Variants in COL27A1 observed in about 807,000 individuals in gnomAD.
COL27A1 encodes collagen alpha-1(XXVII) chain.
In COL27A1, 106 loss-of-function variants were observed where a neutral mutation model predicts 251.3. The observed-to-expected ratio is 0.42, with a 90% confidence interval of 0.36 to 0.50. The LOEUF is 0.50. COL27A1 is among the 20% of genes least tolerant of loss of function. The pLI is 0.00. For missense variants in COL27A1, 2,325 were observed against 2,522.8 expected, an observed-to-expected ratio of 0.92 and a Z score of 1.68; for synonymous variants, 1,000 against 986.3, an observed-to-expected ratio of 1.01 and a Z score of -0.26.
chr9:114,180,244 G>A (rs1048547926), intron 4 of COL27A1, among the ~76,000 whole-genome samples: 1 of 152,166 alleles, frequency 6.6e-6, no homozygotes, highest in Non-Finnish European at 1.5e-5. Flanking sequence ...CGTGATGCCT[G>A]GCAGAGCACC....
intron 7 of COL27A1, 66 bp from the exon 8 acceptor site, chr9:114,205,036 G>C (rs1306520842): frequency 2.0e-6 from 3 of 1,513,396 alleles, no homozygotes; most frequent in Non-Finnish European, 2.8e-6. Flanking sequence ...GGGAGGCTGG[G>C]CCCTTGCGAT....
intron 56 of COL27A1, 103 bp downstream of exon 56, chr9:114,302,211 CT>C: frequency 1.0e-6 from 1 of 976,814 alleles, no homozygotes; most frequent in Non-Finnish European, 1.6e-6. Context: ...GAGCCCTAAG[CT>C]GGGTCTAGGG....
At position 114,160,817 on chromosome 9, in the gene COL27A1, G is replaced by A. The variant is rs148848221; in HGVS notation, c.63-1898G>A. Among the ~76,000 whole-genome samples, 225 of 152,338 alleles carry A rather than the reference G, an allele frequency of 1.5e-3. 2 individuals are homozygous for A. The South Asian group carries it at 0.026, about 18-fold the overall frequency. ...AGTGTGGCATGTGCAGTGAGCTGCG[G>A]GAGGTGACACCCAAGCTGGGATCTA... On this transcript the variant is annotated intron_variant, in intron 1 of 60. Coordinates refer to ENST00000356083, the MANE Select transcript of COL27A1 (RefSeq NM_032888.4).
Position 114,168,484 on chromosome 9 carries a change from A to C in COL27A1, c.929A>C (p.Gln310Pro). ...AGGACTAGCCCCACAAACCCTCACC[A>C]GCATATGGCGGTGGGAGGCCCAGCC... ...PQRTSPTNPH[Q>P]HMAVGGPAQT... Residue 310 changes from glutamine to proline, a missense_variant, in exon 3 of 61, where the codon CAG becomes CCG. Physicochemically the swap from Gln to Pro is moderately conservative, Grantham distance 76 (BLOSUM62 -1). Around this residue, in one of 4 missense-constraint regions of COL27A1, gnomAD observed 1,183 missense variants for 1,144.1 expected, o/e 1.03. Transcript: ENST00000356083. 1 of 1,613,784 alleles carries C rather than the reference A, an allele frequency of 6.2e-7. No homozygotes were observed. The highest frequency in any genetic ancestry group is 8.5e-7 in the Non-Finnish European group (1 of 1,179,860).
At chr9:114,210,881 C>T (rs1830307192) in intron 11 of COL27A1, 101 bp from the exon 12 acceptor site, 1 of 1,208,348 alleles carries the variant, frequency 8.3e-7, no homozygotes, top group Non-Finnish European at 1.2e-6. Flanking sequence ...TCCAGGCCCT[C>T]TGTGACTTCC....
At chr9:114,257,626 C>G (rs1341170651) in intron 27 of COL27A1, among the ~76,000 whole-genome samples, 1 of 152,102 alleles carries the variant, frequency 6.6e-6, no homozygotes, top group Admixed American at 6.5e-5. Context: ...GGGGCTGGGC[C>G]TTGCTCCCTT....
intron 5 of COL27A1, among the ~76,000 whole-genome samples, chr9:114,186,940 T>G (rs1564444998): frequency 6.6e-6 from 1 of 152,152 alleles, no homozygotes; most frequent in Non-Finnish European, 1.5e-5. Context: ...ATAGGGAAGC[T>G]AGTGCTCCCC....
chr9:114,178,010 AGG>A (rs1827603835), intron 3 of COL27A1, among the ~76,000 whole-genome samples: 1 of 152,224 alleles, frequency 6.6e-6, no homozygotes, highest in Admixed American at 6.5e-5. Flanking sequence ...GAGGAAAAGA[AGG>A]GACTTTGTCC....
intron 3 of COL27A1, among the ~76,000 whole-genome samples, chr9:114,171,737 A>C (rs949963978): frequency 5.3e-5 from 8 of 152,144 alleles, no homozygotes; most frequent in African/African-American, 1.9e-4. Flanking sequence ...GAGCGCTAGA[A>C]TGACAGGCTT....
chr9:114,223,769 G>A (rs1375150020), intron 14 of COL27A1, among the ~76,000 whole-genome samples: 1 of 152,186 alleles, frequency 6.6e-6, no homozygotes, highest in African/African-American at 2.4e-5. Context: ...TTCTTCATCT[G>A]TAAAATGGGA....
intron 19 of COL27A1, among the ~76,000 whole-genome samples, chr9:114,239,426 A>G (rs1832609233): frequency 6.6e-6 from 1 of 152,206 alleles, no homozygotes; most frequent in African/African-American, 2.4e-5. Flanking sequence ...TTTACAGATG[A>G]GGAAGCTGAG....
chr9:114,193,021 G>GT (rs58983237), intron 5 of COL27A1, among the ~76,000 whole-genome samples: 9,844 of 152,208 alleles, frequency 0.065, 881 homozygotes, highest in African/African-American at 0.2. Context: ...GTGTGCACGT[G>GT]TATGTGTGTG....
chr9:114,300,665 C>CA lies in COL27A1; in HGVS notation c.4679_4680insA (p.Arg1561SerfsTer30). 6.6e-7 allele frequency: 1 copy of CA among 1,516,608 alleles called. No individual in the cohort carries two copies. Among genetic ancestry groups the CA allele is most frequent in the East Asian group, 2.4e-5 (1 of 41,242 alleles). The allele number at this position is 1,516,608 out of a possible 1,614,324, so 93.9% of individuals were successfully genotyped here. The stretch of plus-strand genomic sequence containing the variant: ...ATTGGCTTCAAAGGCATCCAGGGCC[C>CA]TCGGGGGCCACCTGGCTTGATGGTG... On this transcript the variant is annotated frameshift_variant, in exon 51 of 61. Coordinates refer to ENST00000356083, the MANE Select transcript of COL27A1 (RefSeq NM_032888.4). LOFTEE classifies it high-confidence loss of function.
rs1227360356 is a variant in COL27A1, at chr9:114,210,963, C to T, written c.2323-19C>T. ...TGCTGGCATCCTGCCCTGACCTCTC[C>T]CCTGTCTCTCCCCTGCAGGGCCTGC... On this transcript the variant is annotated intron_variant, in intron 11 of 60. Coordinates refer to ENST00000356083, the MANE Select transcript of COL27A1 (RefSeq NM_032888.4). The T allele has an allele frequency of 1.2e-6, 2 of 1,614,082 alleles. No individual in the cohort carries two copies. The highest frequency in any genetic ancestry group is 8.5e-7 in the Non-Finnish European group (1 of 1,179,910).
intron 7 of COL27A1, among the ~76,000 whole-genome samples, chr9:114,201,028 G>A (rs1165893426): frequency 6.6e-6 from 1 of 152,228 alleles, no homozygotes. Context: ...AAGCAGCCCA[G>A]CCAGACGGGG....
At chr9:114,265,548 AAGG>A (rs1343834960) in intron 32 of COL27A1, 73 bp downstream of exon 32, 2 of 1,490,452 alleles carry the variant, frequency 1.3e-6, no homozygotes, top group Non-Finnish European at 9.3e-7. Context: ...GTGGTCAGAT[AAGG>A]AGAAGGGTTG....
intron 2 of COL27A1, 26 bp from the exon 3 acceptor site, chr9:114,167,663 C>T (rs761575685): frequency 3.8e-6 from 6 of 1,583,904 alleles, no homozygotes; most frequent in Non-Finnish European, 5.2e-6. Context: ...CTGACTGCGT[C>T]CTCTCCCCTT....
chr9:114,253,175 G>A (rs998799074), intron 27 of COL27A1, among the ~76,000 whole-genome samples: 3 of 152,048 alleles, frequency 2.0e-5, no homozygotes, highest in South Asian at 2.1e-4. Context: ...CATGAGAATC[G>A]CTTGAACCCA....
At chr9:114,285,345 C>A (rs1038937520) in intron 41 of COL27A1, among the ~76,000 whole-genome samples, 2 of 152,170 alleles carry the variant, frequency 1.3e-5, no homozygotes, top group Non-Finnish European at 2.9e-5. Context: ...CCTGCCCCCC[C>A]ATGCCAGTGG....
Sources: allele counts gnomAD v4.1 joint callset (sites outside exome capture counted in the v4.1 genomes callset), GRCh38; gene constraint gnomAD v4.1.1; regional missense constraint gnomAD v4.1.1; transcripts MANE v1.5; gene names NCBI Gene and HGNC (gene_info 2026-07-23, HGNC 2026-07-21).